The following SPEN variants were observed in gnomAD, a reference collection of about 807,000 sequenced individuals.
The protein encoded by SPEN is msx2-interacting protein.
In SPEN, 18 loss-of-function variants were observed where a neutral mutation model predicts 269.9. The ratio of observed to expected loss-of-function variants is 0.07; its 90% confidence interval spans 0.05 to 0.10. SPEN has a LOEUF of 0.10. Among genes scored for constraint, SPEN ranks in the 10% least tolerant of loss-of-function variants. The pLI is 1.00. For synonymous variants in SPEN, 1,726 were observed against 1,765.7 expected (o/e 0.98, Z 0.56); for missense variants, 3,822 against 4,631.2 (o/e 0.83, Z 5.07).
intron 1 of SPEN, among the ~76,000 whole-genome samples, chr1:15,870,022 C>T (rs900363769): frequency 9.9e-5 from 15 of 152,042 alleles, no homozygotes; most frequent in African/African-American, 3.1e-4. Flanking sequence ...GCGGGCACCA[C>T]CATGCCTGGC....
intron 3 of SPEN, among the ~76,000 whole-genome samples, chr1:15,888,022 C>T (rs965634767): frequency 2.0e-5 from 3 of 151,452 alleles, no homozygotes; most frequent in Non-Finnish European, 2.9e-5. Flanking sequence ...AGGGACACTC[C>T]GTCTCAATAA....
chr1:15,869,207 C>T (rs1238075522), intron 1 of SPEN, among the ~76,000 whole-genome samples: 1 of 152,082 alleles, frequency 6.6e-6, no homozygotes, highest in Non-Finnish European at 1.5e-5. Flanking sequence ...CAGGCGGGCA[C>T]CACCACACTC....
At chr1:15,887,116 C>T (rs560466079) in intron 3 of SPEN, among the ~76,000 whole-genome samples, 23 of 151,958 alleles carry the variant, frequency 1.5e-4, no homozygotes, top group African/African-American at 5.5e-4. Flanking sequence ...GCTGGGATTA[C>T]AGCCACACAC....
rs1311062142 is a variant in SPEN, at chr1:15,916,132, A to G, written c.1248A>G (p.Thr416=). 1 of 1,611,374 alleles carries G rather than the reference A, an allele frequency of 6.2e-7. No individual in the cohort carries two copies. Among genetic ancestry groups the G allele is most frequent in the Non-Finnish European group, 8.5e-7 (1 of 1,179,198 alleles). ...IEVTAWIGPE[T]ESENEFRPLD... is the part of the protein sequence containing the mutation. ...CGGCCCCCATTCCACTTACAGAAAC[A>G]GAAAGTGAAAATGAATTTCGCCCCT... is the stretch of plus-strand genomic sequence containing the variant. The change falls in exon 6 of 15, where the codon ACA becomes ACG. Residue 416 remains threonine, a synonymous_variant. Transcript: ENST00000375759.
chr1:15,860,985 A>G (rs895280311), intron 1 of SPEN, among the ~76,000 whole-genome samples: 3 of 151,802 alleles, frequency 2.0e-5, no homozygotes, highest in Non-Finnish European at 2.9e-5. Context: ...GCTCACTGCA[A>G]TCTCTGCCTC....
rs1041213485 is a variant in SPEN, at chr1:15,873,461, T to G, written c.404+325T>G. 2.9e-6 allele frequency: 3 copies of G among 1,047,456 alleles called. No homozygotes were observed. The African/African-American group carries it at 5.0e-5, about 18-fold the overall frequency. The allele number at this position is 1,047,456 out of a possible 1,614,324, so 64.9% of individuals were successfully genotyped here. On this transcript the variant is annotated intron_variant, in intron 2 of 14. Transcript: ENST00000375759. ...AATGTTAAGTCCTTCCTTGGATATATCCCTTCTACCTGATGGAGCTATTTG... is the reference window on the plus strand; with the variant it reads ...AATGTTAAGTCCTTCCTTGGATATAGCCCTTCTACCTGATGGAGCTATTTG...
chr1:15,873,256 T>G, intron 2 of SPEN, 120 bp downstream of exon 2: 3 of 1,412,012 alleles, frequency 2.1e-6, no homozygotes, highest in Non-Finnish European at 2.8e-6. Flanking sequence ...TTTCCTATTT[T>G]GGGTTGGAAA....
chr1:15,902,733 T>C (rs753883561), intron 3 of SPEN, among the ~76,000 whole-genome samples: 1 of 152,210 alleles, frequency 6.6e-6, no homozygotes, highest in Non-Finnish European at 1.5e-5. Flanking sequence ...CCAAACCTGA[T>C]TGAAAATCTT....
In SPEN at chr1:15,876,598, G is replaced by A. The variant is rs779583692; in HGVS notation, c.801G>A (p.Arg267=). The A allele has an allele frequency of 6.2e-7, 1 of 1,613,816 alleles. No individual in the cohort carries two copies. Among genetic ancestry groups the A allele is most frequent in the Non-Finnish European group, 8.5e-7 (1 of 1,180,020 alleles). The change falls in exon 3 of 15, where the codon AGG becomes AGA. Residue 267 remains arginine, a synonymous_variant. Coordinates refer to ENST00000375759, the MANE Select transcript of SPEN (RefSeq NM_015001.3). ...CTAGCCAAGCATCTAGACCCACAAG[G>A]TCCCCTAGCGGCAGCGGCTCTAGAA... The part of the protein sequence containing the change: ...RLASQASRPT[R]SPSGSGSRSR...
Position 15,930,920 on chromosome 1 carries a change from C to G in SPEN, c.4680C>G (p.Ile1560Met), listed in dbSNP as rs775385599. 1.9e-6 allele frequency: 3 copies of G among 1,614,102 alleles called. No homozygotes were observed. The highest frequency in any genetic ancestry group is 1.7e-5 in the Admixed American group (1 of 60,016). Reference sequence around the variant, plus strand: ...ATTCTGACTTCATTTCTGGTAGGATCTATGGGAAGCAGACATCTGAGGGAG... The same window carrying G: ...ATTCTGACTTCATTTCTGGTAGGATGTATGGGAAGCAGACATCTGAGGGAG... ...EEDSDFISGR[I>M]YGKQTSEGAN... is the part of the protein sequence containing the mutation. The change falls in exon 11 of 15, where the codon ATC becomes ATG. Residue 1560 changes from isoleucine to methionine, a missense_variant. Around this residue, in one of 16 missense-constraint regions of SPEN, gnomAD observed 533 missense variants for 618.8 expected, o/e 0.86. Coordinates refer to ENST00000375759, the MANE Select transcript of SPEN (RefSeq NM_015001.3). The surrounding 1 kb of genome is among the most constrained non-coding windows in gnomAD (Gnocchi z 5.3).
At chr1:15,860,538 C>T (rs550112619) in intron 1 of SPEN, among the ~76,000 whole-genome samples, 2 of 151,178 alleles carry the variant, frequency 1.3e-5, no homozygotes, top group East Asian at 2.0e-4. Context: ...GATATCCTCC[C>T]GCCTCAGCCT....
At chr1:15,907,415 G>C (rs943275586) in intron 3 of SPEN, among the ~76,000 whole-genome samples, 1 of 152,142 alleles carries the variant, frequency 6.6e-6, no homozygotes, top group Non-Finnish European at 1.5e-5. Context: ...GGTGGAGGTT[G>C]CAGTGAGCCA....
At chr1:15,883,228 A>G (rs1289886668) in intron 3 of SPEN, among the ~76,000 whole-genome samples, 1 of 152,192 alleles carries the variant, frequency 6.6e-6, no homozygotes, top group East Asian at 1.9e-4. Context: ...TGGGGGAAAG[A>G]AAGACACACA....
At chr1:15,852,864 T>G (rs993773203) in intron 1 of SPEN, among the ~76,000 whole-genome samples, 1 of 152,218 alleles carries the variant, frequency 6.6e-6, no homozygotes, top group African/African-American at 2.4e-5. Flanking sequence ...GACTATATAT[T>G]TCTTTGCTTT....
At position 15,928,593 on chromosome 1, in the gene SPEN, T is replaced by C; in HGVS notation, c.2353T>C (p.Tyr785His). The C allele has an allele frequency of 6.2e-7, 1 of 1,614,050 alleles. No individual in the cohort carries two copies. Among genetic ancestry groups the C allele is most frequent in the Admixed American group, 1.7e-5 (1 of 60,012 alleles). ...ACTGGACAAGTCTCGTTTGGAGCGC[T>C]ATACAAAAAATGAAAAGACAGATAA... The part of the protein sequence containing the change: ...EKLDKSRLER[Y>H]TKNEKTDKER... The change falls in exon 11 of 15, where the codon TAT becomes CAT. Residue 785 changes from tyrosine to histidine, a missense_variant. Physicochemically the swap from Tyr to His is moderately conservative, Grantham distance 83. This residue lies in a region of SPEN where 572 missense variants were observed against 582.6 expected (regional missense o/e 0.98). Transcript: ENST00000375759. The surrounding 1 kb of genome is among the most constrained non-coding windows in gnomAD (Gnocchi z 5.7).
In SPEN at chr1:15,933,694, C is replaced by A; in HGVS notation, c.7454C>A (p.Ala2485Asp). The change falls in exon 11 of 15, where the codon GCC becomes GAC. Residue 2485 changes from alanine to aspartate, a missense_variant. Ala to Asp is a moderately radical substitution (Grantham distance 126). This residue lies in a region of SPEN where 727 missense variants were observed against 737.9 expected (regional missense o/e 0.99). Transcript: ENST00000375759. This position sits in a 1 kb window ranked among gnomAD's most constrained non-coding sequence, Gnocchi z 5.7. ...VTAAKLSPPVASGGIPHQSPP... is the reference protein window; with the variant it reads ...VTAAKLSPPVDSGGIPHQSPP... ...GCAGCAAAGCTCTCACCTCCTGTCG[C>A]CTCTGGGGGGATCCCACACCAGAGC... 1 of 1,614,148 alleles carries A rather than the reference C, an allele frequency of 6.2e-7. No homozygotes were observed.
intron 3 of SPEN, 82 bp downstream of exon 3, chr1:15,876,760 G>T: frequency 9.4e-7 from 1 of 1,059,112 alleles, no homozygotes; most frequent in East Asian, 2.4e-5. Flanking sequence ...TTTCAGCATA[G>T]TATTATTTTT....
chr1:15,902,464 T>TA (rs35401929), intron 3 of SPEN, among the ~76,000 whole-genome samples: 23,490 of 151,658 alleles, frequency 0.15, 2,092 homozygotes, highest in Admixed American at 0.26. Context: ...TTTGGACTTA[T>TA]AAAAAAAATG....
Position 15,897,365 on chromosome 1 carries a change from C to CT in SPEN, c.882-11942dup, listed in dbSNP as rs1010814283. ...CATCATGCCTGGCTAATTTTTCTTT[C>CT]TTTTTTTTTTTTTTGAGACGGAGTT... On this transcript the variant is annotated intron_variant, in intron 3 of 14. Coordinates refer to ENST00000375759, the MANE Select transcript of SPEN (RefSeq NM_015001.3). Among the ~76,000 whole-genome samples, 306 of 138,278 alleles carry CT rather than the reference C, an allele frequency of 2.2e-3. 2 individuals carry two copies. The highest frequency in any genetic ancestry group is 0.014 in the South Asian group (60 of 4,298). The allele number at this position is 138,278 out of a possible 152,430, so 90.7% of individuals were successfully genotyped here.
Sources: allele counts gnomAD v4.1 joint callset (sites outside exome capture counted in the v4.1 genomes callset), GRCh38; gene constraint gnomAD v4.1.1; regional missense constraint gnomAD v4.1.1; non-coding constraint Gnocchi (gnomAD v3.1); transcripts MANE v1.5; gene names NCBI Gene and HGNC (gene_info 2026-07-23, HGNC 2026-07-21).